The following GYPE variants were observed in gnomAD, a reference collection of about 807,000 sequenced individuals.
GYPE encodes the protein glycophorin E (MNS blood group).
In GYPE, 8 loss-of-function variants were observed where a neutral mutation model predicts 11.6. The observed-to-expected ratio is 0.69, with a 90% confidence interval of 0.41 to 1.25. The LOEUF (loss-of-function observed/expected upper bound fraction) is 1.25, where lower values mean the gene tolerates loss of function less well. GYPE is among the 50% of genes most tolerant of loss of function. The pLI is 0.01. For synonymous variants in GYPE, 28 were observed against 29.6 expected, an observed-to-expected ratio of 0.94 and a Z score of 0.18; for missense variants, 90 against 92.8, an observed-to-expected ratio of 0.97 and a Z score of 0.12.
chr4:143,891,479 C>T (rs1201464867), intron 1 of GYPE, among the ~76,000 whole-genome samples: 1 of 151,610 alleles, frequency 6.6e-6, no homozygotes, highest in African/African-American at 2.4e-5. Flanking sequence ...CAGGTGCCCG[C>T]CACCAAGCCT....
chr4:143,876,126 T>C (rs990420920), intron 3 of GYPE, among the ~76,000 whole-genome samples: 6 of 152,102 alleles, frequency 3.9e-5, no homozygotes, highest in African/African-American at 1.4e-4. Flanking sequence ...TATTTATTTA[T>C]ATATTTATTG....
intron 3 of GYPE, chr4:143,873,406 T>C: frequency 2.2e-6 from 1 of 455,076 alleles, no homozygotes; most frequent in Non-Finnish European, 4.4e-6. Flanking sequence ...TTTATCCAGT[T>C]GAATAATAAA....
chr4:143,888,999 C>T (rs200408435), intron 1 of GYPE, among the ~76,000 whole-genome samples: 7,788 of 128,774 alleles, frequency 0.06, 634 homozygotes, highest in East Asian at 0.18. Context: ...TGGAGAAAAG[C>T]GTGGCCTATT....
chr4:143,905,076 T>C (rs1370896828), intron 1 of GYPE, among the ~76,000 whole-genome samples: 2 of 152,178 alleles, frequency 1.3e-5, no homozygotes, highest in Admixed American at 1.3e-4. Flanking sequence ...TAGGAAATTA[T>C]ACCTTTTTAA....
At chr4:143,904,725 C>CACT (rs1371270889) in intron 1 of GYPE, among the ~76,000 whole-genome samples, 1 of 152,086 alleles carries the variant, frequency 6.6e-6, no homozygotes, top group Non-Finnish European at 1.5e-5. Context: ...GTGTGCTGGG[C>CACT]ACTAGTATTG....
intron 2 of GYPE, 97 bp from the exon 3 acceptor site, chr4:143,876,952 G>C (rs1743839573): frequency 6.9e-6 from 5 of 729,270 alleles, no homozygotes; most frequent in Non-Finnish European, 7.5e-6. Context: ...ACATCACCTT[G>C]CCTTTTAATA....
chr4:143,903,735 C>T (rs1317075900), intron 1 of GYPE, among the ~76,000 whole-genome samples: 2 of 151,776 alleles, frequency 1.3e-5, no homozygotes, highest in Non-Finnish European at 2.9e-5. Context: ...GGTCATCTTG[C>T]CCCAGTGACC....
chr4:143,882,795 A>C (rs1422438215), intron 1 of GYPE, among the ~76,000 whole-genome samples: 3 of 152,176 alleles, frequency 2.0e-5, no homozygotes, highest in Non-Finnish European at 4.4e-5. Context: ...TTTAGGGTGC[A>C]CATTTCTTAT....
intron 1 of GYPE, 77 bp downstream of exon 1, chr4:143,905,394 A>G (rs572184631): frequency 1.7e-5 from 27 of 1,604,596 alleles, no homozygotes; most frequent in Non-Finnish European, 2.0e-5. Context: ...AGATAGAACT[A>G]AAATAGGGTA....
chr4:143,872,884 GA>G (rs11326607), intron 3 of GYPE, among the ~76,000 whole-genome samples: 114,431 of 151,430 alleles, frequency 0.76, 44,268 homozygotes, highest in East Asian at 0.95. Flanking sequence ...GGAGAGGGTT[GA>G]AGGGGGCAGG....
At chr4:143,881,188 C>G (rs1168420698) in intron 1 of GYPE, among the ~76,000 whole-genome samples, 1 of 129,496 alleles carries the variant, frequency 7.7e-6, no homozygotes, top group African/African-American at 2.9e-5. Flanking sequence ...GAGACTCCGT[C>G]TCAAAAAAAA....
At chr4:143,889,940 A>T (rs568292294) in intron 1 of GYPE, among the ~76,000 whole-genome samples, 1 of 152,342 alleles carries the variant, frequency 6.6e-6, no homozygotes, top group South Asian at 2.1e-4. Context: ...AGACCTGTGT[A>T]ACTACAGAAC....
At chr4:143,880,686 T>G (rs1341858211) in intron 1 of GYPE, among the ~76,000 whole-genome samples, 177 bp from the exon 2 acceptor site, 1 of 152,234 alleles carries the variant, frequency 6.6e-6, no homozygotes, top group East Asian at 1.9e-4. Context: ...ATTATTGGCC[T>G]TATTTTAAAA....
rs1420905650 is a variant in GYPE, at chr4:143,870,939, C to G, written c.*1323G>C. On this transcript the variant is annotated 3_prime_UTR_variant, in exon 4 of 4. Transcript: ENST00000358615. ...GGGAAGGTCTCAGGATACTTACAATCATGACCAAAGGGGAAACAAACACAT... is the reference window on the plus strand; with the variant it reads ...GGGAAGGTCTCAGGATACTTACAATGATGACCAAAGGGGAAACAAACACAT... The G allele has an allele frequency of 6.6e-6, 1 of 152,056 alleles. No individual in the cohort carries two copies. Among genetic ancestry groups the G allele is most frequent in the East Asian group, 1.9e-4 (1 of 5,180 alleles). The allele number at this position is 152,056 out of a possible 1,614,324, so 9.4% of individuals were successfully genotyped here.
At chr4:143,903,075 T>C (rs1486144371) in intron 1 of GYPE, among the ~76,000 whole-genome samples, 1 of 152,142 alleles carries the variant, frequency 6.6e-6, no homozygotes, top group Non-Finnish European at 1.5e-5. Context: ...CCATTCTCCT[T>C]GTTCCACGTT....
At chr4:143,878,768 TTTC>T in intron 2 of GYPE, 1 of 408,994 alleles carries the variant, frequency 2.4e-6, no homozygotes, top group South Asian at 1.9e-5. Context: ...TGGGTTTCCT[TTTC>T]TTAATCATAT....
intron 3 of GYPE, chr4:143,873,258 C>T (rs1230075086): frequency 6.6e-6 from 2 of 303,372 alleles, no homozygotes; most frequent in East Asian, 1.5e-4. Flanking sequence ...TTTGCTAGGC[C>T]TAGAAAAAGT....
chr4:143,889,351 G>T (rs1245198824), intron 1 of GYPE, among the ~76,000 whole-genome samples: 3 of 152,112 alleles, frequency 2.0e-5, no homozygotes, highest in African/African-American at 7.2e-5. Flanking sequence ...CTGGACAGAT[G>T]GAAATCAAGA....
chr4:143,889,025 T>G (rs1744305410), intron 1 of GYPE, among the ~76,000 whole-genome samples: 1 of 128,910 alleles, frequency 7.8e-6, no homozygotes, highest in Non-Finnish European at 1.7e-5. Flanking sequence ...GTGCAGTTAG[T>G]GTGCTAGGTG....
Sources: allele counts gnomAD v4.1 joint callset (sites outside exome capture counted in the v4.1 genomes callset), GRCh38; gene constraint gnomAD v4.1.1; transcripts MANE v1.5; gene names NCBI Gene and HGNC (gene_info 2026-07-23, HGNC 2026-07-21).